The following ZNF536 variants were observed in gnomAD, a reference collection of about 807,000 sequenced individuals.
ZNF536 encodes zinc finger protein 536.
In ZNF536, 13 loss-of-function variants were observed where a neutral mutation model predicts 84.5. That is an observed-to-expected ratio of 0.15 (90% CI 0.10 to 0.24). ZNF536 has a LOEUF of 0.24. Among genes scored for constraint, ZNF536 ranks in the 10% least tolerant of loss-of-function variants. The pLI, the probability that ZNF536 is intolerant of heterozygous loss-of-function variation, is 1.00. For missense variants in ZNF536, 1,536 were observed against 1,747.5 expected, an observed-to-expected ratio of 0.88 and a Z score of 2.16; for synonymous variants, 811 against 742.5, an observed-to-expected ratio of 1.09 and a Z score of -1.50.
intron 2 of ZNF536, among the ~76,000 whole-genome samples, chr19:30,325,949 G>A (rs1041771587): frequency 6.6e-6 from 1 of 152,144 alleles, no homozygotes; most frequent in Non-Finnish European, 1.5e-5. Context: ...TCCCACACCC[G>A]CAGATGTGCA....
intron 1 of ZNF536, among the ~76,000 whole-genome samples, chr19:30,668,964 A>T (rs2050438563): frequency 6.6e-6 from 1 of 152,236 alleles, no homozygotes; most frequent in Non-Finnish European, 1.5e-5. Flanking sequence ...GGAGCAGCTC[A>T]GCGAGGGTGG....
chr19:30,516,647 C>A (rs945995249), intron 2 of ZNF536, among the ~76,000 whole-genome samples: 1 of 152,082 alleles, frequency 6.6e-6, no homozygotes, highest in African/African-American at 2.4e-5. Context: ...TTGATGATTA[C>A]GAGACAGGCA....
chr19:30,503,704 G>T (rs375878582), intron 2 of ZNF536, among the ~76,000 whole-genome samples: 9 of 152,310 alleles, frequency 5.9e-5, no homozygotes, highest in African/African-American at 2.2e-4. Context: ...TCAAGCCCTC[G>T]TGGGAGTCCC....
intron 1 of ZNF536, among the ~76,000 whole-genome samples, chr19:30,670,159 G>A (rs1418939318): frequency 6.6e-6 from 1 of 152,194 alleles, no homozygotes; most frequent in African/African-American, 2.4e-5. Context: ...GGGAGGCTTA[G>A]TGCAATGGGG....
intron 1 of ZNF536, among the ~76,000 whole-genome samples, chr19:30,682,681 C>G (rs2051023776): frequency 1.3e-5 from 2 of 152,206 alleles, no homozygotes; most frequent in Admixed American, 6.5e-5. Flanking sequence ...TTCCTGCCCT[C>G]CCTCTCTGCC....
chr19:30,683,463 T>C (rs1161821115), intron 1 of ZNF536, among the ~76,000 whole-genome samples: 1 of 152,224 alleles, frequency 6.6e-6, no homozygotes, highest in African/African-American at 2.4e-5. Flanking sequence ...TGCGGATATG[T>C]TCTGTTTGCA....
At chr19:30,531,430 G>C (rs2044813451) in intron 2 of ZNF536, among the ~76,000 whole-genome samples, 1 of 150,642 alleles carries the variant, frequency 6.6e-6, no homozygotes, top group African/African-American at 2.5e-5. Flanking sequence ...CTCCTGCAGT[G>C]TCTTCTTTTT....
At chr19:30,326,475 C>T (rs1403542459) in intron 2 of ZNF536, among the ~76,000 whole-genome samples, 1 of 152,160 alleles carries the variant, frequency 6.6e-6, no homozygotes, top group Non-Finnish European at 1.5e-5. Flanking sequence ...GAACAAGTGT[C>T]CTCCAGGCAG....
chr19:30,578,509 C>A (rs1450367921), intron 1 of ZNF536, among the ~76,000 whole-genome samples: 1 of 152,220 alleles, frequency 6.6e-6, no homozygotes, highest in East Asian at 1.9e-4. Context: ...TGCATCTGAG[C>A]ACGGAATCTC....
rs986079954 is a variant in ZNF536, at chr19:30,573,161, C to T, written c.169+23647C>T. Among the ~76,000 whole-genome samples the T allele has an allele frequency of 2.6e-5, 4 of 152,280 alleles. No homozygotes were observed. The East Asian group carries it at 7.7e-4, about 29-fold the overall frequency. On this transcript the variant is annotated intron_variant, in intron 1 of 1. Transcript: ENST00000592773. ...TCCCTGTGTAAGTGAACAGGATTTC[C>T]AAGGTTTTTCCAGATGTTGATATTT...
chr19:30,379,013 C>T (rs1326503848), intron 1 of ZNF536, among the ~76,000 whole-genome samples: 1 of 152,128 alleles, frequency 6.6e-6, no homozygotes, highest in Non-Finnish European at 1.5e-5. Context: ...TAGCTCCAGC[C>T]CTGTCCAATG....
chr19:30,702,676 A>G (rs1056975405), intron 1 of ZNF536, among the ~76,000 whole-genome samples: 1 of 152,126 alleles, frequency 6.6e-6, no homozygotes, highest in African/African-American at 2.4e-5. Context: ...TACCTCGCTG[A>G]CCTGCTCCTA....
At chr19:30,506,975 A>G (rs1233798642) in intron 2 of ZNF536, among the ~76,000 whole-genome samples, 1 of 152,134 alleles carries the variant, frequency 6.6e-6, no homozygotes, top group Admixed American at 6.5e-5. Context: ...ATATCTTTTC[A>G]TTTTCACAAA....
chr19:30,511,441 T>C (rs1421469617), intron 2 of ZNF536, among the ~76,000 whole-genome samples: 2 of 152,230 alleles, frequency 1.3e-5, no homozygotes, highest in Admixed American at 1.3e-4. Context: ...TTGATATGTT[T>C]ACAGTTTATG....
At chr19:30,334,486 G>C (rs574988053) in intron 2 of ZNF536, among the ~76,000 whole-genome samples, 2 of 152,304 alleles carry the variant, frequency 1.3e-5, no homozygotes, top group East Asian at 3.9e-4. Context: ...TGGGGCTAGG[G>C]TTGGTATTAG....
intron 2 of ZNF536, among the ~76,000 whole-genome samples, chr19:30,497,950 G>T (rs1246650453): frequency 6.6e-6 from 1 of 152,112 alleles, no homozygotes; most frequent in Non-Finnish European, 1.5e-5. Context: ...ACCTCCATTT[G>T]CTCATTTACT....
chr19:30,473,270 A>G (rs191379976), intron 2 of ZNF536, among the ~76,000 whole-genome samples: 1 of 152,106 alleles, frequency 6.6e-6, no homozygotes, highest in East Asian at 1.9e-4. Context: ...ACATCTTGAG[A>G]TTAGGGGGAG....
At chr19:30,606,054 T>C (rs1335589519) in intron 1 of ZNF536, among the ~76,000 whole-genome samples, 1 of 151,766 alleles carries the variant, frequency 6.6e-6, no homozygotes, top group Non-Finnish European at 1.5e-5. Context: ...AAAGAGCAGA[T>C]GTTCCTGGAA....
At chr19:30,458,454 T>TG (rs2052970238) in intron 2 of ZNF536, among the ~76,000 whole-genome samples, 1 of 144,516 alleles carries the variant, frequency 6.9e-6, no homozygotes, top group Admixed American at 6.8e-5. Flanking sequence ...GCTGTTTTTT[T>TG]TTTTTTTTTT....
Sources: allele counts gnomAD v4.1 joint callset (sites outside exome capture counted in the v4.1 genomes callset), GRCh38; gene constraint gnomAD v4.1.1; transcripts MANE v1.5; gene names NCBI Gene and HGNC (gene_info 2026-07-23, HGNC 2026-07-21).